ELOVL6: variants seen among roughly 807,000 people sequenced by gnomAD.
ELOVL6 encodes ELOVL fatty acid elongase 6, also known as very long chain fatty acid elongase 6.
ELOVL6 carries 8 observed loss-of-function variants against 31.7 expected under a neutral mutation model. The ratio of observed to expected loss-of-function variants is 0.25; its 90% CI spans 0.15 to 0.45. The LOEUF (loss-of-function observed/expected upper bound fraction) is 0.45. Ranked by LOEUF, ELOVL6 falls within the 20% of genes least tolerant of loss-of-function variation. The pLI is 1.00. For missense variants in ELOVL6, 126 were observed against 326.4 expected, an observed-to-expected ratio of 0.39 and a Z score of 4.73; for synonymous variants, 101 against 117.7, an observed-to-expected ratio of 0.86 and a Z score of 0.92.
At chr4:110,119,028 C>T (rs749930571) in intron 1 of ELOVL6, among the ~76,000 whole-genome samples, 4 of 152,024 alleles carry the variant, frequency 2.6e-5, no homozygotes, top group Non-Finnish European at 4.4e-5. Flanking sequence ...CATGCCACTG[C>T]CCTCCAGCCT....
chr4:110,130,906 TA>T (rs1360817603), intron 1 of ELOVL6, among the ~76,000 whole-genome samples: 5 of 152,186 alleles, frequency 3.3e-5, no homozygotes, highest in Admixed American at 2.0e-4. Context: ...CAAACATAGG[TA>T]AGTACACATT....
chr4:110,054,267 C>A (rs1754916435), intron 3 of ELOVL6, among the ~76,000 whole-genome samples: 1 of 152,030 alleles, frequency 6.6e-6, no homozygotes, highest in Non-Finnish European at 1.5e-5. Context: ...ATGATGGTAA[C>A]CCTCATACAT....
At chr4:110,069,158 TAATAATAATAATAGG>T (rs1182054617) in intron 2 of ELOVL6, among the ~76,000 whole-genome samples, 5 of 142,430 alleles carry the variant, frequency 3.5e-5, no homozygotes, top group Admixed American at 7.8e-5. Flanking sequence ...ATAATAATAA[TAATAATAATAATAGG>T]GACACTTGGT....
rs1204519857 is a variant in ELOVL6, at chr4:110,084,380, T to C, written c.221+21117A>G. Among the ~76,000 whole-genome samples the C allele has an allele frequency of 2.8e-3, 246 of 89,230 alleles. 20 individuals carry two copies. Among genetic ancestry groups the C allele is most frequent in the African/African-American group, 7.5e-3 (200 of 26,832 alleles). 58.5% of individuals were successfully genotyped at this position (89,230 alleles called of 152,430 possible). On this transcript the variant is annotated intron_variant, in intron 2 of 3. Transcript: ENST00000302274. The stretch of plus-strand genomic sequence containing the variant: ...TATACCGCATATATGATATATGATA[T>C]ATATCGCATATATGATATATGATAT...
chr4:110,053,291 A>C (rs1034155007), intron 3 of ELOVL6, among the ~76,000 whole-genome samples: 1 of 152,146 alleles, frequency 6.6e-6, no homozygotes, highest in Non-Finnish European at 1.5e-5. Flanking sequence ...AAAAACTAGT[A>C]CTTATTCCTA....
At chr4:110,185,496 T>A (rs1759410760) in intron 1 of ELOVL6, among the ~76,000 whole-genome samples, 1 of 152,048 alleles carries the variant, frequency 6.6e-6, no homozygotes, top group South Asian at 2.1e-4. Context: ...AATAAATCTC[T>A]TAGAGGTTTC....
Position 110,049,402 on chromosome 4 carries a change from CTT to C in ELOVL6, c.*1934_*1935del, listed in dbSNP as rs1278477407. The C allele has an allele frequency of 6.6e-6, 1 of 152,558 alleles. No individual in the cohort carries two copies. Among genetic ancestry groups the C allele is most frequent in the Non-Finnish European group, 1.5e-5 (1 of 68,024 alleles). The allele number at this position is 152,558 out of a possible 1,614,324, so 9.5% of individuals were successfully genotyped here. ...ACCATTCACACAGAATGGAATAAAACTTTATTCTTTTTAAATTCCACACATAA... is the reference window on the plus strand; with the variant it reads ...ACCATTCACACAGAATGGAATAAAACTATTCTTTTTAAATTCCACACATAA... On this transcript the variant is annotated 3_prime_UTR_variant, in exon 4 of 4. Coordinates refer to ENST00000302274, the MANE Select transcript of ELOVL6 (RefSeq NM_024090.3).
At chr4:110,132,548 T>G (rs1212548063) in intron 1 of ELOVL6, among the ~76,000 whole-genome samples, 1 of 151,964 alleles carries the variant, frequency 6.6e-6, no homozygotes, top group Non-Finnish European at 1.5e-5. Flanking sequence ...TTTTAGAGGC[T>G]AGGTGCGTTG....
Position 110,094,248 on chromosome 4 carries a change from C to CAA in ELOVL6, c.221+11247_221+11248dup, listed in dbSNP as rs34049395. 2.4e-4 allele frequency among the ~76,000 whole-genome samples: 28 copies of CAA among 114,666 alleles called. 1 individual carries two copies. The highest frequency in any genetic ancestry group is 6.5e-4 in the African/African-American group (20 of 30,824). 75.2% of individuals were successfully genotyped at this position (114,666 alleles called of 152,430 possible). A position where few individuals can be genotyped will look rare whatever the true frequency, so the allele number is the denominator to read the frequency against. On this transcript the variant is annotated intron_variant, in intron 2 of 3. Transcript: ENST00000302274. The stretch of plus-strand genomic sequence containing the variant: ...TGGGCAATAGAGCTAAACTCCATCT[C>CAA]AAAAAAAAAAAAAAATCTGGATGGG...
At chr4:110,199,163 T>C (rs760253816), upstream of ELOVL6, 1 of 149,728 alleles carries the variant, frequency 6.7e-6, no homozygotes, top group South Asian at 2.1e-4. Context: ...AGTGTGAGGA[T>C]AGTGGATAGG....
chr4:110,084,083 TGATATATAA>T, intron 2 of ELOVL6, among the ~76,000 whole-genome samples: 1 of 111,450 alleles, frequency 9.0e-6, no homozygotes, highest in Middle Eastern at 9.3e-3. Flanking sequence ...ATGCTATATA[TGATATATAA>T]CATATATATG....
chr4:110,082,543 AT>A (rs1157648029), intron 2 of ELOVL6, among the ~76,000 whole-genome samples: 1 of 152,016 alleles, frequency 6.6e-6, no homozygotes, highest in African/African-American at 2.4e-5. Context: ...GAATTGAACA[AT>A]GAGAACACAT....
chr4:110,185,168 T>C (rs1355199772), intron 1 of ELOVL6, among the ~76,000 whole-genome samples: 1 of 152,226 alleles, frequency 6.6e-6, no homozygotes, highest in Non-Finnish European at 1.5e-5. Context: ...CTAACCAAAG[T>C]AGTGCAATCA....
chr4:110,051,678 C>G lies in ELOVL6; in HGVS notation c.458G>C (p.Trp153Ser). Reference protein sequence around the residue: ...YHHITVLLYSWYSYKDMVAGG... With the variant: ...YHHITVLLYSSYSYKDMVAGG... ...GGCAACCATGTCTTTGTAGGAGTAC[C>G]AAGAGTACAGGAGCACAGTGATGTG... Residue 153 changes from tryptophan to serine, a missense_variant, in exon 4 of 4, where the codon TGG becomes TCG. By Grantham distance (177) the Trp-to-Ser change is radical. Transcript: ENST00000302274. The surrounding 1 kb of genome is among the most constrained non-coding windows in gnomAD (Gnocchi z 4.8). 1 of 1,614,052 alleles carries G rather than the reference C, an allele frequency of 6.2e-7. No individual in the cohort carries two copies.
chr4:110,188,386 T>C (rs1269490021), intron 1 of ELOVL6, among the ~76,000 whole-genome samples: 1 of 152,162 alleles, frequency 6.6e-6, no homozygotes, highest in Non-Finnish European at 1.5e-5. Flanking sequence ...GTTTTTCTGA[T>C]TGAATATTAT....
intron 2 of ELOVL6, among the ~76,000 whole-genome samples, chr4:110,084,554 A>ATATATT (rs1421060434): frequency 1.0e-4 from 7 of 69,990 alleles, no homozygotes; most frequent in African/African-American, 6.7e-4. Flanking sequence ...ACACACACAC[A>ATATATT]CACACACAGA....
rs919172231 is a variant in ELOVL6 at position 110,050,520 on chromosome 4, A to C, written c.*818T>G. The C allele has an allele frequency of 2.6e-5, 4 of 152,204 alleles. No individual in the cohort carries two copies. Among genetic ancestry groups the C allele is most frequent in the Non-Finnish European group, 5.9e-5 (4 of 68,058 alleles). 9.4% of individuals were successfully genotyped at this position (152,204 alleles called of 1,614,324 possible). A position where few individuals can be genotyped will look rare whatever the true frequency, so the allele number is the denominator to read the frequency against. ...TCTGTTCAAAAGCCCGGGGCAACTGAACAAAAGGATAATGCTTCATATCTC... is the reference window on the plus strand; with the variant it reads ...TCTGTTCAAAAGCCCGGGGCAACTGCACAAAAGGATAATGCTTCATATCTC... On this transcript the variant is annotated 3_prime_UTR_variant, in exon 4 of 4. Coordinates refer to ENST00000302274, the MANE Select transcript of ELOVL6 (RefSeq NM_024090.3).
chr4:110,189,703 T>C (rs1483827816), intron 1 of ELOVL6, among the ~76,000 whole-genome samples: 1 of 151,048 alleles, frequency 6.6e-6, no homozygotes, highest in East Asian at 2.0e-4. Flanking sequence ...GCGCAGTGGC[T>C]CACACCTGTA....
chr4:110,130,741 A>G (rs7680479), intron 1 of ELOVL6, among the ~76,000 whole-genome samples: 3,623 of 152,332 alleles, frequency 0.024, 124 homozygotes, highest in African/African-American at 0.08. Context: ...GAGCACTGCA[A>G]TAGCTACAGT....
Sources: allele counts gnomAD v4.1 joint callset (sites outside exome capture counted in the v4.1 genomes callset), GRCh38; gene constraint gnomAD v4.1.1; non-coding constraint Gnocchi (gnomAD v3.1); transcripts MANE v1.5; gene names NCBI Gene and HGNC (gene_info 2026-07-23, HGNC 2026-07-21).